The following GNAQ variants were observed in gnomAD, a reference collection of about 807,000 sequenced individuals.
The protein encoded by GNAQ is G protein subunit alpha q.
A neutral mutation model predicts 43.9 loss-of-function variants in GNAQ; 8 were observed. The ratio of observed to expected loss-of-function variants is 0.18; its 90% CI spans 0.11 to 0.33. GNAQ has a LOEUF of 0.33. Among genes scored for constraint, GNAQ ranks in the 10% least tolerant of loss-of-function variants. GNAQ has a pLI of 1.00. For missense variants in GNAQ, 158 were observed against 450.8 expected (o/e 0.35, Z 5.88); for synonymous variants, 155 against 170.7 (o/e 0.91, Z 0.71).
chr9:77,750,127 T>C (rs1564099011), intron 5 of GNAQ, among the ~76,000 whole-genome samples: 1 of 151,756 alleles, frequency 6.6e-6, no homozygotes, highest in Non-Finnish European at 1.5e-5. Flanking sequence ...TTAAAAAATA[T>C]TATTTCCACT....
chr9:78,000,553 T>C (rs1823630965), intron 1 of GNAQ, among the ~76,000 whole-genome samples: 1 of 152,080 alleles, frequency 6.6e-6, no homozygotes, highest in Non-Finnish European at 1.5e-5. Flanking sequence ...GAAAAGTAAG[T>C]GGAAAATGAA....
rs554783626 is a variant in GNAQ at position 77,904,317 on chromosome 9, C to CTTTTTTTTTTTTTTTTTTT, written c.321+17825_321+17843dup. ...TGGAGTTAACAGAAGTTCACACCGG[C>CTTTTTTTTTTTTTTTTTTT]TTTTTTTTTTTTTTTTTTTTTTTTT... On this transcript the variant is annotated intron_variant, in intron 2 of 6. Coordinates refer to ENST00000286548, the MANE Select transcript of GNAQ (RefSeq NM_002072.5). Among the ~76,000 whole-genome samples the CTTTTTTTTTTTTTTTTTTT allele has an allele frequency of 5.2e-5, 4 of 77,430 alleles. 1 individual carries two copies. The highest frequency in any genetic ancestry group is 1.2e-3 in the East Asian group (2 of 1,734). 50.8% of individuals were successfully genotyped at this position (77,430 alleles called of 152,430 possible). A position where few individuals can be genotyped will look rare whatever the true frequency, so the allele number is the denominator to read the frequency against.
intron 1 of GNAQ, among the ~76,000 whole-genome samples, chr9:78,015,175 A>C (rs1480643779): frequency 6.6e-6 from 1 of 152,246 alleles, no homozygotes; most frequent in Non-Finnish European, 1.5e-5. Context: ...TGGATACACA[A>C]ATACTTACCA....
chr9:77,826,522 C>A (rs1398507385), intron 2 of GNAQ, among the ~76,000 whole-genome samples: 4 of 152,204 alleles, frequency 2.6e-5, no homozygotes, highest in Non-Finnish European at 5.9e-5. Flanking sequence ...TTCCAACACA[C>A]ACAAGTCTAA....
At position 78,015,122 on chromosome 9, in the gene GNAQ, T is replaced by C. The variant is rs140822741; in HGVS notation, c.136+15978A>G. 5.9e-3 allele frequency among the ~76,000 whole-genome samples: 899 copies of C among 152,330 alleles called. 6 individuals are homozygous for C. The highest frequency in any genetic ancestry group is 0.02 in the African/African-American group (838 of 41,562). On this transcript the variant is annotated intron_variant, in intron 1 of 6. Transcript: ENST00000286548. ...GTAAGTGCGCTCTATGTGTATCATA[T>C]TTTATCTTTTATTACTGAACCTTTT...
At chr9:78,003,923 A>C (rs1348825366) in intron 1 of GNAQ, among the ~76,000 whole-genome samples, 1 of 152,214 alleles carries the variant, frequency 6.6e-6, no homozygotes, top group Admixed American at 6.5e-5. Context: ...TCATTGAGCA[A>C]ACAAAAAAGC....
At chr9:77,761,342 C>T (rs1336682603) in intron 5 of GNAQ, among the ~76,000 whole-genome samples, 61 of 133,286 alleles carry the variant, frequency 4.6e-4, no homozygotes, top group Non-Finnish European at 6.0e-4. Flanking sequence ...GCCCCCCGCC[C>T]GGCCAGCCGC....
chr9:77,829,390 T>C (rs1010992672), intron 2 of GNAQ, among the ~76,000 whole-genome samples: 63 of 152,320 alleles, frequency 4.1e-4, no homozygotes, highest in Admixed American at 3.9e-3. Flanking sequence ...TCCATAGTAG[T>C]GTTAAGCTCA....
intron 2 of GNAQ, among the ~76,000 whole-genome samples, chr9:77,885,781 AAAGAAC>A (rs957386311): frequency 1.4e-4 from 22 of 152,120 alleles, no homozygotes; most frequent in African/African-American, 3.6e-4. Flanking sequence ...CTAGGAAGAG[AAAGAAC>A]AAGAACAAGG....
intron 3 of GNAQ, among the ~76,000 whole-genome samples, chr9:77,803,663 G>A (rs764560023): frequency 6.6e-6 from 1 of 152,202 alleles, no homozygotes; most frequent in Non-Finnish European, 1.5e-5. Context: ...CCTGCAAGGA[G>A]TTTATCAATT....
chr9:77,800,117 T>C (rs1826718834), intron 3 of GNAQ, among the ~76,000 whole-genome samples: 1 of 152,110 alleles, frequency 6.6e-6, no homozygotes, highest in Non-Finnish European at 1.5e-5. Flanking sequence ...ACTTTTACAC[T>C]GTTGGTGGGA....
chr9:77,898,841 T>C (rs947986979), intron 2 of GNAQ, among the ~76,000 whole-genome samples: 1 of 152,180 alleles, frequency 6.6e-6, no homozygotes, highest in Non-Finnish European at 1.5e-5. Flanking sequence ...TGTTTCTTTC[T>C]TGCATATATT....
chr9:77,883,649 A>G (rs1391294303), intron 2 of GNAQ, among the ~76,000 whole-genome samples: 1 of 144,938 alleles, frequency 6.9e-6, no homozygotes, highest in Non-Finnish European at 1.5e-5. Flanking sequence ...CCCCGCCCCC[A>G]CTCTCCTCGC....
chr9:77,740,089 A>C (rs1450625903), intron 5 of GNAQ, among the ~76,000 whole-genome samples: 4 of 152,180 alleles, frequency 2.6e-5, no homozygotes, highest in African/African-American at 9.7e-5. Context: ...AATTCAGTAA[A>C]ATATTTCCTT....
Position 77,717,699 on chromosome 9 carries a change from CCT to C in GNAQ, c.*3622_*3623del, listed in dbSNP as rs1357278113. ...AGTAAATTGCCCTTTAGCTGAATTA[CCT>C]TTTTAAAATAGGCCTGCTAGTTAAT... On this transcript the variant is annotated 3_prime_UTR_variant, in exon 7 of 7. Transcript: ENST00000286548. 2 of 231,824 alleles carry C rather than the reference CCT, an allele frequency of 8.6e-6. No homozygotes were observed. The highest frequency in any genetic ancestry group is 1.7e-5 in the Non-Finnish European group (2 of 117,476). The allele number at this position is 231,824 out of a possible 1,614,324, so 14.4% of individuals were successfully genotyped here.
At chr9:77,824,359 T>TA (rs1322939437) in intron 2 of GNAQ, among the ~76,000 whole-genome samples, 3 of 152,220 alleles carry the variant, frequency 2.0e-5, no homozygotes, top group African/African-American at 7.2e-5. Context: ...TCTCACTCTA[T>TA]TATGTTTTTC....
intron 2 of GNAQ, among the ~76,000 whole-genome samples, chr9:77,875,655 G>A (rs1239685801): frequency 6.6e-6 from 1 of 152,142 alleles, no homozygotes; most frequent in Non-Finnish European, 1.5e-5. Context: ...CCTTTTCCTG[G>A]AAATTAGGAG....
In GNAQ at chr9:77,797,665, A is replaced by G; in HGVS notation, c.477-17T>C. The G allele has an allele frequency of 6.2e-7, 1 of 1,611,364 alleles. No individual in the cohort carries two copies. The highest frequency in any genetic ancestry group is 8.5e-7 in the Non-Finnish European group (1 of 1,178,268). ...TTAAGATAGCTAGAGGAGGGAAGAC[A>G]CAATGAGAATGTCAGTGACACCATC... On this transcript the variant is annotated splice_polypyrimidine_tract_variant and intron_variant, in intron 3 of 6. Coordinates refer to ENST00000286548, the MANE Select transcript of GNAQ (RefSeq NM_002072.5).
intron 2 of GNAQ, among the ~76,000 whole-genome samples, chr9:77,855,640 A>G (rs1827742121): frequency 6.6e-6 from 1 of 152,170 alleles, no homozygotes; most frequent in South Asian, 2.1e-4. Context: ...CCACAGCAAG[A>G]AAACAAATGC....
Sources: allele counts gnomAD v4.1 joint callset (sites outside exome capture counted in the v4.1 genomes callset), GRCh38; gene constraint gnomAD v4.1.1; transcripts MANE v1.5; gene names NCBI Gene and HGNC (gene_info 2026-07-23, HGNC 2026-07-21).